Variants in TEAD1 observed in about 807,000 individuals in gnomAD.
TEAD1 encodes TEA domain transcription factor 1.
Under a neutral mutation model 54.9 loss-of-function variants are expected in TEAD1, and 9 were observed. That is an observed-to-expected ratio of 0.16 (90% CI 0.10 to 0.29). The LOEUF is 0.29. Ranked by LOEUF, TEAD1 falls within the 10% of genes least tolerant of loss-of-function variation. The pLI, the probability that TEAD1 is intolerant of heterozygous loss-of-function variation, is 1.00. For missense variants in TEAD1, 387 were observed against 535.9 expected (o/e 0.72, Z 2.74); for synonymous variants, 200 against 187.8 (o/e 1.07, Z -0.53).
intron 2 of TEAD1, among the ~76,000 whole-genome samples, chr11:12,715,993 T>C (rs73421975): frequency 0.11 from 17,395 of 151,922 alleles, 3,362 homozygotes; most frequent in African/African-American, 0.4. Context: ...CAAGGAATCA[T>C]TTCCTAGCTC....
chr11:12,724,043 A>T (rs1448758165), intron 2 of TEAD1, among the ~76,000 whole-genome samples: 1 of 152,166 alleles, frequency 6.6e-6, no homozygotes, highest in African/African-American at 2.4e-5. Flanking sequence ...TGATTGAAAC[A>T]CATTCCCCTT....
At chr11:12,928,859 C>T (rs1169521952) in intron 11 of TEAD1, among the ~76,000 whole-genome samples, 1 of 152,168 alleles carries the variant, frequency 6.6e-6, no homozygotes, top group Non-Finnish European at 1.5e-5. Context: ...ACATAGCTTA[C>T]CAATTTTTGT....
intron 3 of TEAD1, among the ~76,000 whole-genome samples, chr11:12,796,419 T>A (rs2133969033): frequency 6.6e-6 from 1 of 152,354 alleles, no homozygotes; most frequent in African/African-American, 2.4e-5. Context: ...ACTGCACAGA[T>A]GCTTACGATG....
chr11:12,692,896 C>T (rs1395625455), intron 2 of TEAD1, among the ~76,000 whole-genome samples: 1 of 152,208 alleles, frequency 6.6e-6, no homozygotes, highest in Non-Finnish European at 1.5e-5. Context: ...TTACTGCTTC[C>T]TCCACCCCCA....
intron 3 of TEAD1, among the ~76,000 whole-genome samples, chr11:12,805,575 A>C (rs906342327): frequency 6.6e-6 from 1 of 152,240 alleles, no homozygotes; most frequent in African/African-American, 2.4e-5. Context: ...AGGTCTACCC[A>C]TATTGAGTTT....
At chr11:12,702,372 G>C (rs917455272) in intron 2 of TEAD1, among the ~76,000 whole-genome samples, 3 of 152,250 alleles carry the variant, frequency 2.0e-5, no homozygotes, top group East Asian at 1.9e-4. Flanking sequence ...CCAGTCCCTC[G>C]ACACCACTCC....
At chr11:12,686,730 G>A (rs573830064) in intron 2 of TEAD1, among the ~76,000 whole-genome samples, 7 of 152,272 alleles carry the variant, frequency 4.6e-5, no homozygotes, top group African/African-American at 1.7e-4. Flanking sequence ...ATAAGCCAGA[G>A]AACATTGAGT....
intron 11 of TEAD1, 152 bp from the exon 12 acceptor site, chr11:12,930,022 T>C (rs978684119): frequency 6.1e-6 from 5 of 817,778 alleles, no homozygotes; most frequent in Admixed American, 5.4e-5. Flanking sequence ...TTGGAGATAG[T>C]TTTTTTTTAA....
intron 3 of TEAD1, among the ~76,000 whole-genome samples, chr11:12,772,379 C>T (rs982560859): frequency 1.3e-5 from 2 of 152,106 alleles, no homozygotes; most frequent in African/African-American, 4.8e-5. Context: ...GAGCAAAACC[C>T]AGAAGAGACT....
intron 2 of TEAD1, among the ~76,000 whole-genome samples, chr11:12,724,209 G>A (rs566753236): frequency 3.3e-5 from 5 of 152,314 alleles, no homozygotes; most frequent in South Asian, 2.1e-4. Flanking sequence ...GGGTGTGCAC[G>A]TAGTTTATTG....
intron 3 of TEAD1, among the ~76,000 whole-genome samples, chr11:12,843,612 A>T (rs1398570089): frequency 6.6e-6 from 1 of 152,246 alleles, no homozygotes; most frequent in Non-Finnish European, 1.5e-5. Context: ...ATGGATTGTT[A>T]TTCACAAAAG....
intron 3 of TEAD1, among the ~76,000 whole-genome samples, chr11:12,812,153 C>T (rs1466332081): frequency 2.6e-5 from 4 of 152,050 alleles, no homozygotes; most frequent in African/African-American, 9.7e-5. Context: ...TATACATGGG[C>T]TTTTGAGCTC....
At chr11:12,861,812 C>A (rs1003583291) in intron 3 of TEAD1, among the ~76,000 whole-genome samples, 2 of 152,006 alleles carry the variant, frequency 1.3e-5, no homozygotes, top group African/African-American at 2.4e-5. Flanking sequence ...CATGGAGAAA[C>A]CCTGTCTCTA....
chr11:12,681,350 C>T (rs1943217556), intron 2 of TEAD1, among the ~76,000 whole-genome samples: 1 of 152,166 alleles, frequency 6.6e-6, no homozygotes, highest in Non-Finnish European at 1.5e-5. Flanking sequence ...ATTCAGAATA[C>T]CTCCCTCATT....
intron 12 of TEAD1, 21 bp from the exon 13 acceptor site, chr11:12,937,088 A>C: frequency 1.3e-6 from 2 of 1,498,532 alleles, no homozygotes; most frequent in South Asian, 1.1e-5. Context: ...GGTATTATAT[A>C]CTTTTTTTTT....
intron 3 of TEAD1, among the ~76,000 whole-genome samples, chr11:12,784,474 C>T (rs1372639673): frequency 6.6e-6 from 1 of 152,074 alleles, no homozygotes; most frequent in African/African-American, 2.4e-5. Flanking sequence ...AGGGAAAGGA[C>T]AGAAAGGAAG....
intron 3 of TEAD1, among the ~76,000 whole-genome samples, chr11:12,774,854 G>A (rs1454005694): frequency 6.6e-6 from 1 of 152,124 alleles, no homozygotes; most frequent in Admixed American, 6.5e-5. Flanking sequence ...ATAGATGAGA[G>A]CAATAGACAC....
intron 3 of TEAD1, among the ~76,000 whole-genome samples, chr11:12,783,055 G>C (rs1240806370): frequency 1.3e-5 from 2 of 151,822 alleles, no homozygotes; most frequent in African/African-American, 2.4e-5. Flanking sequence ...TGTGATAAAA[G>C]CCAGAGTTTT....
chr11:12,862,615 C>T (rs1175896811), intron 4 of TEAD1, among the ~76,000 whole-genome samples: 2 of 152,194 alleles, frequency 1.3e-5, no homozygotes, highest in East Asian at 1.9e-4. Context: ...CCAAAATGTG[C>T]ACCTGTGAAC....
Sources: gnomAD v4.1 joint callset for allele counts (sites outside exome capture counted in the v4.1 genomes callset) on GRCh38, gnomAD v4.1.1 for gene constraint, MANE v1.5 for transcripts, NCBI Gene and HGNC (gene_info 2026-07-23, HGNC 2026-07-21) for gene names.